Variants in PUM1 observed in about 807,000 individuals in gnomAD.
PUM1 encodes pumilio RNA binding family member 1, also known as pumilio homolog 1.
Under a neutral mutation model 131.8 loss-of-function variants are expected in PUM1, and 13 were observed. That is an observed-to-expected ratio of 0.10 (90% CI 0.06 to 0.16). The LOEUF is 0.16. Ranked by LOEUF, PUM1 falls within the 10% of genes least tolerant of loss-of-function variation. PUM1 has a pLI of 1.00. For missense variants in PUM1, 961 were observed against 1,512.4 expected (o/e 0.64, Z 6.05); for synonymous variants, 509 against 556.5 (o/e 0.91, Z 1.20).
Position 31,059,401 on chromosome 1 carries a change from G to C in PUM1, c.166C>G (p.Leu56Val), listed in dbSNP as rs1425395488. 8 of 1,614,170 alleles carry C rather than the reference G, an allele frequency of 5.0e-6. No homozygotes were observed. In the East Asian group the frequency reaches 1.8e-4, roughly 36 times the overall value. The change falls in exon 2 of 22, where the codon CTT (leucine) becomes GTT (valine). Residue 56 changes from leucine to valine, a missense_variant. Physicochemically the swap from Leu to Val is conservative, Grantham distance 32. Coordinates refer to ENST00000426105, the MANE Select transcript of PUM1 (RefSeq NM_001020658.2). Reference sequence around the variant, plus strand: ...GGGCTGGAGTGAGTCCCAGCTGCAAGAGCCTGATTTGCAGCTGGTTGTGGC... The same window carrying C: ...GGGCTGGAGTGAGTCCCAGCTGCAACAGCCTGATTTGCAGCTGGTTGTGGC... ...AQPQPAANQALAAGTHSSPVP... is the reference protein window; with the variant it reads ...AQPQPAANQAVAAGTHSSPVP...
chr1:31,040,125 G>A (rs918972800), intron 2 of PUM1, among the ~76,000 whole-genome samples: 1 of 152,114 alleles, frequency 6.6e-6, no homozygotes, highest in African/African-American at 2.4e-5. Flanking sequence ...TCACTATGCT[G>A]CCACAGCTCT....
intron 17 of PUM1, among the ~76,000 whole-genome samples, chr1:30,947,144 T>C (rs1310426943): frequency 6.6e-6 from 1 of 152,238 alleles, no homozygotes; most frequent in Non-Finnish European, 1.5e-5. Context: ...TACAAAACTA[T>C]AGACCTAGAT....
intron 2 of PUM1, among the ~76,000 whole-genome samples, chr1:31,058,980 CAAAT>C (rs1165274118): frequency 7.9e-5 from 12 of 151,874 alleles, no homozygotes; most frequent in Middle Eastern, 3.4e-3. Context: ...GACTCTGTCT[CAAAT>C]GAATGAATGA....
intron 1 of PUM1, among the ~76,000 whole-genome samples, chr1:31,061,514 G>C (rs909799113): frequency 6.6e-6 from 1 of 151,606 alleles, no homozygotes; most frequent in Non-Finnish European, 1.5e-5. Context: ...TACTTGGGAG[G>C]CTGAGGCAGG....
chr1:30,972,790 A>T (rs1640973192), intron 10 of PUM1, among the ~76,000 whole-genome samples: 1 of 149,008 alleles, frequency 6.7e-6, no homozygotes, highest in Non-Finnish European at 1.5e-5. Context: ...AAACAAAAAA[A>T]GAAATTTGGC....
intron 2 of PUM1, among the ~76,000 whole-genome samples, chr1:31,048,288 AT>A (rs1026836100): frequency 2.0e-5 from 3 of 151,554 alleles, no homozygotes; most frequent in African/African-American, 7.3e-5. Flanking sequence ...AATAAAAAAA[AT>A]CTTATTACTT....
intron 19 of PUM1, among the ~76,000 whole-genome samples, chr1:30,941,625 C>T (rs1290510555): frequency 6.6e-6 from 1 of 152,060 alleles, no homozygotes. Flanking sequence ...CAAGGGCATA[C>T]CTAATTATTT....
chr1:30,935,868 C>G (rs1639188158), intron 21 of PUM1: 1 of 337,304 alleles, frequency 3.0e-6, no homozygotes, highest in African/African-American at 2.5e-5. Flanking sequence ...GCTGGAGGCA[C>G]TGCCCAGCAC....
intron 16 of PUM1, among the ~76,000 whole-genome samples, chr1:30,951,886 T>C (rs1226536500): frequency 6.6e-6 from 1 of 152,238 alleles, no homozygotes; most frequent in African/African-American, 2.4e-5. Flanking sequence ...CAATATTTTA[T>C]TGTGATCCTG....
Position 30,964,743 on chromosome 1 carries a change from C to T in PUM1, c.2254G>A (p.Gly752Arg). 6.2e-7 allele frequency: 1 copy of T among 1,613,948 alleles called. No individual in the cohort carries two copies. The highest frequency in any genetic ancestry group is 8.5e-7 in the Non-Finnish European group (1 of 1,179,994). Reference sequence around the variant, plus strand: ...GGTGGTGTCTGTGAATGTCCTGGTCCCTGACTAGGGAGAGGCATGCCCACG... The same window carrying T: ...GGTGGTGTCTGTGAATGTCCTGGTCTCTGACTAGGGAGAGGCATGCCCACG... ...GPVGMPLPSQ[G>R]PGHSQTPPPS... Residue 752 changes from glycine to arginine, a missense_variant, in exon 14 of 22, where the codon GGA becomes AGA. Physicochemically the swap from Gly to Arg is moderately radical, Grantham distance 125. Transcript: ENST00000426105.
intron 3 of PUM1, among the ~76,000 whole-genome samples, chr1:31,009,561 T>C (rs1570263493): frequency 6.7e-6 from 1 of 149,936 alleles, no homozygotes; most frequent in Non-Finnish European, 1.5e-5. Flanking sequence ...AGGTCAGGAG[T>C]TCGAGACTAG....
chr1:30,932,403 A>G lies in PUM1; in HGVS notation c.*808T>C, dbSNP rs950622003. The stretch of plus-strand genomic sequence containing the variant: ...GAAGCAAGACCAAAAGCAGAGTTGG[A>G]TTTTTTTTTCTCATGCTAAATAATC... On this transcript the variant is annotated 3_prime_UTR_variant, in exon 22 of 22. Coordinates refer to ENST00000426105, the MANE Select transcript of PUM1 (RefSeq NM_001020658.2). 1 of 151,300 alleles carries G rather than the reference A, an allele frequency of 6.6e-6. No individual in the cohort carries two copies. Among genetic ancestry groups the G allele is most frequent in the African/African-American group, 2.4e-5 (1 of 41,194 alleles). The allele number at this position is 151,300 out of a possible 1,614,324, so 9.4% of individuals were successfully genotyped here.
intron 14 of PUM1, among the ~76,000 whole-genome samples, chr1:30,958,557 AG>A (rs1640268002): frequency 6.6e-6 from 1 of 152,126 alleles, no homozygotes; most frequent in African/African-American, 2.4e-5. Context: ...CTAAGAAATG[AG>A]GGGTGAGAAA....
intron 3 of PUM1, among the ~76,000 whole-genome samples, chr1:31,009,419 T>C (rs1407885092): frequency 1.3e-5 from 2 of 152,184 alleles, no homozygotes; most frequent in African/African-American, 4.8e-5. Context: ...TCTTGTCCTT[T>C]AAATGTTTTA....
intron 2 of PUM1, among the ~76,000 whole-genome samples, chr1:31,057,364 T>A: frequency 8.0e-6 from 1 of 125,126 alleles, no homozygotes; most frequent in African/African-American, 3.2e-5. Flanking sequence ...TATCATCATA[T>A]CACCACACTC....
chr1:31,064,734 T>C (rs1644443050), intron 1 of PUM1, among the ~76,000 whole-genome samples: 1 of 119,872 alleles, frequency 8.3e-6, no homozygotes, highest in Non-Finnish European at 1.6e-5. Context: ...GGTAATGCTG[T>C]GTGTGGGTTT....
At chr1:31,015,343 TTTTC>T (rs1175131860) in intron 3 of PUM1, among the ~76,000 whole-genome samples, 10 of 151,982 alleles carry the variant, frequency 6.6e-5, no homozygotes, top group Admixed American at 5.9e-4. Flanking sequence ...TTCATTTTCT[TTTTC>T]TTTTTTTTTT....
At chr1:30,969,316 C>CAA (rs763999971) in intron 10 of PUM1, among the ~76,000 whole-genome samples, 1,256 of 48,998 alleles carry the variant, frequency 0.026, 5 homozygotes, top group Middle Eastern at 0.045. Context: ...AACACACACA[C>CAA]AAAAAAAAAA....
chr1:31,038,984 A>ATATATTT, intron 2 of PUM1, among the ~76,000 whole-genome samples: 8 of 49,420 alleles, frequency 1.6e-4, no homozygotes, highest in African/African-American at 4.1e-4. Context: ...ATATATATAT[A>ATATATTT]TTTTTTTTTT....
Sources: allele counts gnomAD v4.1 joint callset (sites outside exome capture counted in the v4.1 genomes callset), GRCh38; gene constraint gnomAD v4.1.1; transcripts MANE v1.5; gene names NCBI Gene and HGNC (gene_info 2026-07-23, HGNC 2026-07-21).